LTF: variants seen among roughly 807,000 people sequenced by gnomAD.
LTF encodes epididymis luminal protein 110.
LTF carries 91 observed loss-of-function variants against 87.2 expected under a neutral mutation model. The observed-to-expected ratio is 1.04, with a 90% CI of 0.88 to 1.24. The LOEUF is 1.24. LTF is among the 50% of genes most tolerant of loss of function. LTF has a pLI of 0.00. For missense variants in LTF, 901 were observed against 904.3 expected (o/e 1.00, Z 0.05); for synonymous variants, 378 against 356.1 (o/e 1.06, Z -0.69).
chr3:46,477,925 G>A (rs1359282587), intron 1 of LTF, among the ~76,000 whole-genome samples: 1 of 152,158 alleles, frequency 6.6e-6, no homozygotes, highest in East Asian at 1.9e-4. Flanking sequence ...TGTTAGCAAA[G>A]GCAAGTTCAC....
chr3:46,468,267 T>C (rs906705415), upstream of LTF: 32 of 456,662 alleles, frequency 7.0e-5, no homozygotes, highest in Admixed American at 7.3e-4. Context: ...CATTCAACAC[T>C]GGTCTATGGG....
At chr3:46,449,310 T>A (rs1476198160) in intron 8 of LTF, among the ~76,000 whole-genome samples, 1 of 152,214 alleles carries the variant, frequency 6.6e-6, no homozygotes, top group Admixed American at 6.5e-5. Context: ...TCTCTGAGGA[T>A]AAACGCTCCA....
At chr3:46,443,700 A>G (rs112119415) in intron 12 of LTF, 118 bp from the exon 13 acceptor site, 1 of 899,532 alleles carries the variant, frequency 1.1e-6, no homozygotes, top group Admixed American at 1.9e-5. Context: ...ACAGCAATCT[A>G]GATAGAACAC....
chr3:46,459,880 C>A, intron 1 of LTF, 61 bp from the exon 2 acceptor site: 1 of 1,299,380 alleles, frequency 7.7e-7, no homozygotes, highest in South Asian at 1.8e-5. Context: ...GACCACCGCA[C>A]CCTCTGATGG....
rs868705796 is a variant in LTF, at chr3:46,455,341, C to T, written c.601G>A (p.Ala201Thr). 8 of 1,614,216 alleles carry T rather than the reference C, an allele frequency of 5.0e-6. No homozygotes were observed. The highest frequency in any genetic ancestry group is 6.8e-6 in the Non-Finnish European group (8 of 1,180,034). Residue 201 changes from alanine to threonine, a missense_variant, in exon 5 of 17, where the codon GCC becomes ACC. Coordinates refer to ENST00000231751, the MANE Select transcript of LTF (RefSeq NM_002343.6). Reference protein sequence around the residue: ...LCAGTGENKCAFSSQEPYFSY... With the variant: ...LCAGTGENKCTFSSQEPYFSY... ...AAGTACGGTTCCTGGGAGGAGAAGG[C>T]ACATTTGTTTTCCCCTGTCCCCGCA...
rs1330650728 is a variant in LTF, at chr3:46,455,913, G to A, written c.382C>T (p.Leu128=). 1.9e-6 allele frequency: 3 copies of A among 1,613,658 alleles called. No homozygotes were observed. The highest frequency in any genetic ancestry group is 2.5e-6 in the Non-Finnish European group (3 of 1,179,802). Residue 128 remains leucine (L), a synonymous_variant, in exon 4 of 17, where the codon CTG becomes TTG. Coordinates refer to ENST00000231751, the MANE Select transcript of LTF (RefSeq NM_002343.6). ...KKGGSFQLNE[L]QGLKSCHTGL... Reference sequence around the variant, plus strand: ...GTGTGGCAGGACTTCAGACCTTGCAGTTCGTTCAGCTGAAAGCTGCCGCCC... The same window carrying A: ...GTGTGGCAGGACTTCAGACCTTGCAATTCGTTCAGCTGAAAGCTGCCGCCC...
In LTF at chr3:46,447,329, G is replaced by T; in HGVS notation, c.1282C>A (p.Pro428Thr). Residue 428 changes from proline to threonine, a missense_variant, in exon 10 of 17, where the codon CCT (proline) becomes ACT (threonine). Transcript: ENST00000231751. ...VYTAGKCGLV[P>T]VLAENYKSQQ... ...TTACTGTAGTTCTCTGCCAGGACAG[G>T]CACCAAACCACATTTGCCTGCAGTG... 3 of 1,614,014 alleles carry T rather than the reference G, an allele frequency of 1.9e-6. No homozygotes were observed. Among genetic ancestry groups the T allele is most frequent in the Middle Eastern group, 1.6e-4 (1 of 6,062 alleles).
intron 11 of LTF, 88 bp downstream of exon 11, chr3:46,446,352 C>G (rs543191030): frequency 1.8e-6 from 2 of 1,097,888 alleles, no homozygotes; most frequent in East Asian, 4.8e-5. Flanking sequence ...GGCTGCAATT[C>G]TTTCTGTTTT....
intron 8 of LTF, 117 bp downstream of exon 8, chr3:46,449,737 C>T (rs1702750228): frequency 9.1e-7 from 1 of 1,096,496 alleles, no homozygotes; most frequent in African/African-American, 1.6e-5. Context: ...TGCATCAAAC[C>T]TCCACGATGA....
intron 1 of LTF, among the ~76,000 whole-genome samples, chr3:46,473,611 A>AT (rs916094778): frequency 5.9e-5 from 9 of 151,764 alleles, no homozygotes; most frequent in Non-Finnish European, 1.0e-4. Context: ...CCATTTCCTT[A>AT]TTTTTTTTCA....
At chr3:46,479,535 TTTGTTTG>T (rs1703405266) in intron 1 of LTF, among the ~76,000 whole-genome samples, 1 of 151,714 alleles carries the variant, frequency 6.6e-6, no homozygotes. Flanking sequence ...TGTTTGTTTG[TTTGTTTG>T]TGACAGAGTC....
rs746647546 is a variant in LTF, at chr3:46,447,367, C to T, written c.1244G>A (p.Gly415Glu). 2 of 1,614,158 alleles carry T rather than the reference C, an allele frequency of 1.2e-6. No homozygotes were observed. Among genetic ancestry groups the T allele is most frequent in the African/African-American group, 1.3e-5 (1 of 75,054 alleles). Reference sequence around the variant, plus strand: ...TTTGCCTGCAGTGTACACATATCCTCCATCCAAACTCATGGCATCAGCTTC... The same window carrying T: ...TTTGCCTGCAGTGTACACATATCCTTCATCCAAACTCATGGCATCAGCTTC... ...KGEADAMSLD[G>E]GYVYTAGKCG... is the part of the protein sequence containing the mutation. Residue 415 changes from glycine (G) to glutamate (E), a missense_variant, in exon 10 of 17, where the codon GGA (glycine) becomes GAA (glutamate). Physicochemically the swap from Gly to Glu is moderately conservative, Grantham distance 98. Coordinates refer to ENST00000231751, the MANE Select transcript of LTF (RefSeq NM_002343.6).
intron 14 of LTF, among the ~76,000 whole-genome samples, chr3:46,439,788 C>T (rs889135137): frequency 3.9e-5 from 6 of 152,174 alleles, no homozygotes; most frequent in Non-Finnish European, 8.8e-5. Flanking sequence ...CAAAAGACCA[C>T]ACAATAGGCT....
chr3:46,459,522 A>T, intron 2 of LTF, 134 bp downstream of exon 2: 1 of 818,206 alleles, frequency 1.2e-6, no homozygotes, highest in Non-Finnish European at 1.7e-6. Flanking sequence ...GTTCCCTGTG[A>T]GAGAGGACGG....
At chr3:46,448,760 G>A (rs1702720170) in intron 9 of LTF, 103 bp downstream of exon 9, 1 of 1,398,674 alleles carries the variant, frequency 7.1e-7, no homozygotes, top group Non-Finnish European at 9.7e-7. Context: ...GCCTCACCCA[G>A]GCCCCCGTGG....
At chr3:46,460,402 CAGTT>C (rs1415738408) in intron 1 of LTF, among the ~76,000 whole-genome samples, 3 of 152,198 alleles carry the variant, frequency 2.0e-5, no homozygotes, top group African/African-American at 2.4e-5. Flanking sequence ...GGGGACAAAT[CAGTT>C]GGTTGGTGTG....
At chr3:46,484,920 AGACCCTCTCTGG>A (rs1703497185) in intron 1 of LTF, 1 of 152,220 alleles carries the variant, frequency 6.6e-6, no homozygotes, top group African/African-American at 2.4e-5. Context: ...CACTGCTTAC[AGACCCTCTCTGG>A]GACCCGGCTG....
At chr3:46,482,553 GGGAAGGGAAGGGA>G (rs1703449362) in intron 1 of LTF, among the ~76,000 whole-genome samples, 1 of 65,140 alleles carries the variant, frequency 1.5e-5, no homozygotes, top group Admixed American at 1.5e-4. Flanking sequence ...GGGAAGGGAA[GGGAAGGGAAGGGA>G]AGGGAAAGGA....
At chr3:46,465,902 G>A (rs1436427907), upstream of LTF, among the ~76,000 whole-genome samples, 2 of 133,462 alleles carry the variant, frequency 1.5e-5, no homozygotes, top group African/African-American at 2.4e-5. Context: ...CACATTGGGG[G>A]CCTCAGAAAG....
Sources: gnomAD v4.1 joint callset for allele counts (sites outside exome capture counted in the v4.1 genomes callset) on GRCh38, gnomAD v4.1.1 for gene constraint, MANE v1.5 for transcripts, NCBI Gene and HGNC (gene_info 2026-07-23, HGNC 2026-07-21) for gene names.